The following EPHA6 variants were observed in gnomAD, a reference collection of about 807,000 sequenced individuals.
EPHA6 encodes EPH receptor A6.
Under a neutral mutation model 112.0 loss-of-function variants are expected in EPHA6, and 50 were observed. The ratio of observed to expected loss-of-function variants is 0.45; its 90% CI spans 0.36 to 0.56. EPHA6 has a LOEUF of 0.56. EPHA6 is among the 20% of genes least tolerant of loss of function. EPHA6 has a pLI of 0.00. For missense variants in EPHA6, 1,280 were observed against 1,417.4 expected, an observed-to-expected ratio of 0.90 and a Z score of 1.56; for synonymous variants, 529 against 490.7, an observed-to-expected ratio of 1.08 and a Z score of -1.03.
At position 97,503,577 on chromosome 3, in the gene EPHA6, G is replaced by C. The variant is rs1256107746; in HGVS notation, c.2200+19518G>C. 3.3e-5 allele frequency among the ~76,000 whole-genome samples: 5 copies of C among 152,246 alleles called. No homozygotes were observed. In the South Asian group the frequency reaches 1.0e-3, roughly 32 times the overall value. ...AACAGTCAGAATGCTGTTATTGCTG[G>C]AAATCAACCTGTAATGATGAGATTT... is the stretch of plus-strand genomic sequence containing the variant. On this transcript the variant is annotated intron_variant, in intron 10 of 17. Transcript: ENST00000389672.
At chr3:97,320,541 C>G (rs1156811344) in intron 5 of EPHA6, among the ~76,000 whole-genome samples, 2 of 151,790 alleles carry the variant, frequency 1.3e-5, no homozygotes, top group Non-Finnish European at 2.9e-5. Flanking sequence ...AACATGTTAT[C>G]ATTTCCCTTC....
intron 11 of EPHA6, among the ~76,000 whole-genome samples, chr3:97,585,456 A>G (rs2052929557): frequency 6.6e-6 from 1 of 152,220 alleles, no homozygotes; most frequent in Admixed American, 6.5e-5. Context: ...AACTCAGGGA[A>G]AAAATGAACA....
At chr3:97,645,361 T>C (rs1242273286) in intron 14 of EPHA6, among the ~76,000 whole-genome samples, 2 of 145,388 alleles carry the variant, frequency 1.4e-5, no homozygotes, top group Non-Finnish European at 3.0e-5. Context: ...TCATGTCCTT[T>C]GTAGGGACAT....
chr3:97,271,188 C>T (rs904819529), intron 5 of EPHA6, among the ~76,000 whole-genome samples: 2 of 152,208 alleles, frequency 1.3e-5, no homozygotes, highest in African/African-American at 4.8e-5. Flanking sequence ...TTGTCCTATG[C>T]AAACTTACTT....
At chr3:97,671,758 C>A (rs1426060585) in intron 14 of EPHA6, among the ~76,000 whole-genome samples, 9 of 151,044 alleles carry the variant, frequency 6.0e-5, no homozygotes. Flanking sequence ...TGTTTGTAAG[C>A]AAGAATTGTT....
At position 96,837,280 on chromosome 3, in the gene EPHA6, T is replaced by C. The variant is rs551071766; in HGVS notation, c.385+22272T>C. On this transcript the variant is annotated intron_variant, in intron 1 of 17. Transcript: ENST00000389672. ...TATCATAATTCTGTGTGGTAATTGC[T>C]CTCTGGTAGTAATGTGCACAGGATT... Among the ~76,000 whole-genome samples the C allele has an allele frequency of 2.6e-5, 4 of 152,216 alleles. No homozygotes were observed. The East Asian group carries it at 7.7e-4, about 29-fold the overall frequency.
At chr3:97,498,689 T>C (rs918854440) in intron 10 of EPHA6, among the ~76,000 whole-genome samples, 3 of 152,188 alleles carry the variant, frequency 2.0e-5, no homozygotes, top group African/African-American at 7.2e-5. Context: ...CCCCAGGCTG[T>C]GGGCTTCACC....
At chr3:97,250,057 C>A (rs908348745) in intron 5 of EPHA6, among the ~76,000 whole-genome samples, 2 of 152,084 alleles carry the variant, frequency 1.3e-5, no homozygotes, top group African/African-American at 2.4e-5. Flanking sequence ...GACACTTGAG[C>A]AGATCACGAA....
At chr3:97,551,698 T>C (rs1270736264) in intron 11 of EPHA6, among the ~76,000 whole-genome samples, 1 of 152,186 alleles carries the variant, frequency 6.6e-6, no homozygotes, top group Admixed American at 6.6e-5. Flanking sequence ...ATATACCTAA[T>C]GGCTGAACTA....
At chr3:97,053,232 G>A (rs1254829798) in intron 3 of EPHA6, among the ~76,000 whole-genome samples, 1 of 152,052 alleles carries the variant, frequency 6.6e-6, no homozygotes, top group African/African-American at 2.4e-5. Flanking sequence ...GGAGTATAGA[G>A]CATAAAGGGT....
At chr3:97,734,855 C>T (rs1404727202) in intron 15 of EPHA6, among the ~76,000 whole-genome samples, 4 of 151,924 alleles carry the variant, frequency 2.6e-5, no homozygotes, top group African/African-American at 9.7e-5. Context: ...AATGTTCACA[C>T]GGATACTTTT....
chr3:97,043,998 C>T (rs2045413140), intron 3 of EPHA6, among the ~76,000 whole-genome samples: 1 of 152,162 alleles, frequency 6.6e-6, no homozygotes, highest in Non-Finnish European at 1.5e-5. Context: ...GACTATTTTC[C>T]TACATCATCT....
chr3:97,319,680 A>C (rs1485725597), intron 5 of EPHA6, among the ~76,000 whole-genome samples: 6 of 150,780 alleles, frequency 4.0e-5, no homozygotes, highest in African/African-American at 1.2e-4. Flanking sequence ...AAAAAAAAAA[A>C]CAAAAAACAA....
chr3:97,383,005 T>A (rs2085842603), intron 5 of EPHA6, among the ~76,000 whole-genome samples: 1 of 151,922 alleles, frequency 6.6e-6, no homozygotes, highest in South Asian at 2.1e-4. Flanking sequence ...GCAAATAAGG[T>A]ATCATCTGGT....
chr3:97,014,960 C>G (rs570783687), intron 3 of EPHA6, among the ~76,000 whole-genome samples: 14 of 152,062 alleles, frequency 9.2e-5, no homozygotes, highest in Non-Finnish European at 1.8e-4. Flanking sequence ...TATTTGTAAG[C>G]TAGATAAAAG....
At chr3:96,942,876 C>CT (rs149998272) in intron 2 of EPHA6, among the ~76,000 whole-genome samples, 47 of 146,216 alleles carry the variant, frequency 3.2e-4, no homozygotes, top group African/African-American at 8.5e-4. Context: ...CTTGAAGGGA[C>CT]TTTTTTTTTT....
chr3:97,642,063 G>A (rs1043098844), intron 14 of EPHA6, among the ~76,000 whole-genome samples: 34 of 146,946 alleles, frequency 2.3e-4, no homozygotes, highest in African/African-American at 8.0e-4. Flanking sequence ...GCAGAGAGCA[G>A]TGGTTCTCCC....
chr3:97,597,371 A>G (rs906291788), intron 12 of EPHA6, among the ~76,000 whole-genome samples: 1 of 152,200 alleles, frequency 6.6e-6, no homozygotes, highest in African/African-American at 2.4e-5. Context: ...TCTGAATCAA[A>G]TAACAGGAGA....
At chr3:97,537,856 G>A (rs1218264113) in intron 11 of EPHA6, among the ~76,000 whole-genome samples, 1 of 152,150 alleles carries the variant, frequency 6.6e-6, no homozygotes, top group Non-Finnish European at 1.5e-5. Context: ...TGGGATTATA[G>A]GCATGAGCCA....
Sources: gnomAD v4.1 joint callset for allele counts (sites outside exome capture counted in the v4.1 genomes callset) on GRCh38, gnomAD v4.1.1 for gene constraint, MANE v1.5 for transcripts, NCBI Gene and HGNC (gene_info 2026-07-23, HGNC 2026-07-21) for gene names.